GALNT10: variants seen among roughly 807,000 people sequenced by gnomAD.
The protein encoded by GALNT10 is GalNAc transferase 10.
In GALNT10, 41 loss-of-function variants were observed where a neutral mutation model predicts 75.0. The observed-to-expected ratio is 0.55, with a 90% CI of 0.43 to 0.71. GALNT10 has a LOEUF of 0.71. Ranked by LOEUF, GALNT10 falls within the 30% of genes least tolerant of loss-of-function variation. The pLI, the probability that GALNT10 is intolerant of heterozygous loss-of-function variation, is 0.00. For missense variants in GALNT10, 727 were observed against 818.5 expected, an observed-to-expected ratio of 0.89 and a Z score of 1.36; for synonymous variants, 302 against 313.0, an observed-to-expected ratio of 0.96 and a Z score of 0.37.
At chr5:154,236,233 G>A (rs1449335999) in intron 1 of GALNT10, among the ~76,000 whole-genome samples, 1 of 152,158 alleles carries the variant, frequency 6.6e-6, no homozygotes, top group Non-Finnish European at 1.5e-5. Flanking sequence ...ATTTTCTCAT[G>A]TGCAAAATAA....
chr5:154,239,521 C>G (rs1753298998), intron 1 of GALNT10, among the ~76,000 whole-genome samples: 1 of 152,218 alleles, frequency 6.6e-6, no homozygotes. Context: ...CACACTATTT[C>G]TGAGAATCTA....
At chr5:154,400,440 TA>T (rs1270983557) in intron 7 of GALNT10, among the ~76,000 whole-genome samples, 1 of 151,960 alleles carries the variant, frequency 6.6e-6, no homozygotes, top group Non-Finnish European at 1.5e-5. Flanking sequence ...TGGCGACCAT[TA>T]AATATATACC....
chr5:154,207,954 A>G (rs1012914759), intron 1 of GALNT10, among the ~76,000 whole-genome samples: 1 of 152,034 alleles, frequency 6.6e-6, no homozygotes, highest in African/African-American at 2.4e-5. Flanking sequence ...GTTGAAAGAG[A>G]TCGGGAGGCC....
chr5:154,207,028 A>G (rs750022448), intron 1 of GALNT10, among the ~76,000 whole-genome samples: 2 of 152,124 alleles, frequency 1.3e-5, no homozygotes, highest in Non-Finnish European at 2.9e-5. Context: ...GCAGCCTTTG[A>G]GCTTAAGGAA....
intron 1 of GALNT10, among the ~76,000 whole-genome samples, chr5:154,236,260 T>G (rs556500673): frequency 1.3e-5 from 2 of 152,326 alleles, no homozygotes; most frequent in South Asian, 4.1e-4. Flanking sequence ...CAGTGGTACC[T>G]ACCACATGGA....
At chr5:154,289,585 AT>A (rs1754161222) in intron 1 of GALNT10, among the ~76,000 whole-genome samples, 1 of 152,242 alleles carries the variant, frequency 6.6e-6, no homozygotes, top group Non-Finnish European at 1.5e-5. Context: ...GGGCAAGTCC[AT>A]TCTACTCTGT....
chr5:154,255,996 C>A (rs888136594), intron 1 of GALNT10, among the ~76,000 whole-genome samples: 1 of 152,110 alleles, frequency 6.6e-6, no homozygotes, highest in African/African-American at 2.4e-5. Context: ...GTATAACTCT[C>A]TTAAGTAACC....
intron 8 of GALNT10, 68 bp downstream of exon 8, chr5:154,404,279 C>A: frequency 1.2e-6 from 1 of 807,408 alleles, no homozygotes; most frequent in Non-Finnish European, 2.0e-6. Flanking sequence ...ACTGAGGCAC[C>A]CTGGGGCCCT....
intron 1 of GALNT10, among the ~76,000 whole-genome samples, chr5:154,262,286 C>T (rs188245062): frequency 6.6e-6 from 1 of 152,286 alleles, no homozygotes; most frequent in East Asian, 1.9e-4. Context: ...TAAGCCAGAG[C>T]TAGGTCACGG....
At chr5:154,257,531 A>C (rs926265014) in intron 1 of GALNT10, among the ~76,000 whole-genome samples, 1 of 152,080 alleles carries the variant, frequency 6.6e-6, no homozygotes, top group Non-Finnish European at 1.5e-5. Context: ...GTAACTGAAA[A>C]GATGGCACGT....
At chr5:154,244,201 G>A (rs747363089) in intron 1 of GALNT10, among the ~76,000 whole-genome samples, 19 of 152,208 alleles carry the variant, frequency 1.2e-4, no homozygotes, top group Admixed American at 2.0e-4. Context: ...GATGGATTAC[G>A]TAGTTAGATA....
In GALNT10 at chr5:154,419,718, A is replaced by G. The variant is rs1756590718; in HGVS notation, c.*2746A>G. The G allele has an allele frequency of 6.6e-6, 1 of 152,222 alleles. No homozygotes were observed. Among genetic ancestry groups the G allele is most frequent in the Non-Finnish European group, 1.5e-5 (1 of 68,064 alleles). The allele number at this position is 152,222 out of a possible 1,614,324, so 9.4% of individuals were successfully genotyped here. ...CTCCATTTCATGGACCAACTGATCA[A>G]TTGCCAGTACTAAGCCACTCATTGT... On this transcript the variant is annotated 3_prime_UTR_variant, in exon 12 of 12. Coordinates refer to ENST00000297107, the MANE Select transcript of GALNT10 (RefSeq NM_198321.4).
intron 1 of GALNT10, among the ~76,000 whole-genome samples, chr5:154,282,157 G>A (rs1043611161): frequency 6.6e-6 from 1 of 152,218 alleles, no homozygotes; most frequent in East Asian, 1.9e-4. Context: ...GAGAGAGATG[G>A]TTGGGACCAA....
rs1161292748 is a variant in GALNT10, at chr5:154,191,002, G to A, written c.136G>A (p.Ala46Thr). The A allele has an allele frequency of 3.4e-6, 5 of 1,480,018 alleles. No homozygotes were observed. Among genetic ancestry groups the A allele is most frequent in the South Asian group, 2.5e-5 (2 of 78,898 alleles). The allele number at this position is 1,480,018 out of a possible 1,614,324, so 91.7% of individuals were successfully genotyped here. A position where few individuals can be genotyped will look rare whatever the true frequency, so the allele number is the denominator to read the frequency against. ...CGGCACCCCTGGGGGATCGGGGGCG[G>A]CGGTGGCGCCGGCGGCGGGACAGGT... ...PDGTPGGSGAAVAPAAGQGSH... is the reference protein window; with the variant it reads ...PDGTPGGSGATVAPAAGQGSH... The change falls in exon 1 of 12, where the codon GCG (alanine) becomes ACG (threonine). Residue 46 changes from alanine to threonine, a missense_variant. Transcript: ENST00000297107.
rs1755213248 is a variant in GALNT10 at position 154,352,167 on chromosome 5, C to G, written c.568+22429C>G. 6.6e-6 allele frequency among the ~76,000 whole-genome samples: 1 copy of G among 152,196 alleles called. No homozygotes were observed. Among genetic ancestry groups the G allele is most frequent in the Non-Finnish European group, 1.5e-5 (1 of 68,036 alleles). On this transcript the variant is annotated intron_variant, in intron 4 of 11. Transcript: ENST00000297107. This position sits in a 1 kb window ranked among gnomAD's most constrained non-coding sequence, Gnocchi z 4.4. ...GTTTCTAGCATTGGCCATTCCTGGC[C>G]TGACTCTGCACCCAGCACCCTGACC...
At chr5:154,227,191 C>A (rs1753076519) in intron 1 of GALNT10, among the ~76,000 whole-genome samples, 1 of 152,186 alleles carries the variant, frequency 6.6e-6, no homozygotes, top group Admixed American at 6.5e-5. Flanking sequence ...TTTTATTTCT[C>A]TTGGGTAAAT....
chr5:154,363,921 A>T (rs1308087943), intron 4 of GALNT10, among the ~76,000 whole-genome samples: 2 of 152,208 alleles, frequency 1.3e-5, no homozygotes, highest in African/African-American at 4.8e-5. Context: ...GCAAATGACA[A>T]GCAAAATATG....
intron 1 of GALNT10, among the ~76,000 whole-genome samples, chr5:154,291,331 C>T (rs1419030598): frequency 6.6e-6 from 1 of 152,164 alleles, no homozygotes; most frequent in Non-Finnish European, 1.5e-5. Context: ...GTTGCCTAAC[C>T]CTTGCTACTC....
chr5:154,253,394 G>T, intron 1 of GALNT10, among the ~76,000 whole-genome samples: 1 of 129,326 alleles, frequency 7.7e-6, no homozygotes. Flanking sequence ...GACTGTTGTG[G>T]GGTGGGGGGA....
Sources: gnomAD v4.1 joint callset for allele counts (sites outside exome capture counted in the v4.1 genomes callset) on GRCh38, gnomAD v4.1.1 for gene constraint, Gnocchi (gnomAD v3.1) non-coding constraint, MANE v1.5 for transcripts, NCBI Gene and HGNC (gene_info 2026-07-23, HGNC 2026-07-21) for gene names.